Variants in GRWD1 observed in about 807,000 individuals in gnomAD.
GRWD1 encodes the protein glutamate rich WD repeat containing 1, also known as glutamate-rich WD repeat-containing protein 1.
In GRWD1, 29 loss-of-function variants were observed where a neutral mutation model predicts 45.3. That is an observed-to-expected ratio of 0.64 (90% CI 0.48 to 0.87). GRWD1 has a LOEUF of 0.87. Ranked by LOEUF, GRWD1 falls within the 40% of genes least tolerant of loss-of-function variation. The pLI is 0.00. For synonymous variants in GRWD1, 262 were observed against 257.6 expected, an observed-to-expected ratio of 1.02 and a Z score of -0.16; for missense variants, 592 against 618.8, an observed-to-expected ratio of 0.96 and a Z score of 0.46.
rs1459979939 is a variant in GRWD1, at chr19:48,445,985, C to T, written c.-21C>T. ...CGGAAGTGACGCTCTTACCGGGTGT[C>T]AGCAGCGAGAGGGTTCGAAGATGGC... On this transcript the variant is annotated 5_prime_UTR_variant, in exon 1 of 7. Transcript: ENST00000253237. The T allele has an allele frequency of 6.4e-6, 10 of 1,564,298 alleles. No individual in the cohort carries two copies. In the African/African-American group the frequency reaches 1.4e-4, roughly 21 times the overall value.
rs1971526024 is a variant in GRWD1, at chr19:48,455,322, C to T, written c.*2297C>T. The T allele has an allele frequency of 1.3e-5, 2 of 152,140 alleles. No individual in the cohort carries two copies. Among genetic ancestry groups the T allele is most frequent in the South Asian group, 2.1e-4 (1 of 4,828 alleles). 9.4% of individuals were successfully genotyped at this position (152,140 alleles called of 1,614,324 possible). ...TTCCAACCTGCTGTCCAGCCCCCACCAGTAGGTGGGGAGTGGTGGGGAACA... is the reference window on the plus strand; with the variant it reads ...TTCCAACCTGCTGTCCAGCCCCCACTAGTAGGTGGGGAGTGGTGGGGAACA... On this transcript the variant is annotated 3_prime_UTR_variant, in exon 7 of 7. Transcript: ENST00000253237.
In GRWD1 at chr19:48,455,558, G is replaced by A. The variant is rs1056852893; in HGVS notation, c.*2533G>A. 1 of 152,244 alleles carries A rather than the reference G, an allele frequency of 6.6e-6. No homozygotes were observed. The highest frequency in any genetic ancestry group is 1.5e-5 in the Non-Finnish European group (1 of 68,074). 9.4% of individuals were successfully genotyped at this position (152,244 alleles called of 1,614,324 possible). ...CCCGCCCTGCTTTTGCTAGGGGAGG[G>A]GGGTGCCCTGAGCCTGAGTCGCAGC... is the stretch of plus-strand genomic sequence containing the variant. On this transcript the variant is annotated 3_prime_UTR_variant, in exon 7 of 7. Transcript: ENST00000253237.
chr19:48,446,217 G>A (rs1971400065), intron 1 of GRWD1, 25 bp downstream of exon 1: 1 of 1,586,718 alleles, frequency 6.3e-7, no homozygotes, highest in Non-Finnish European at 8.6e-7. Flanking sequence ...GGACTCCAGG[G>A]TCCTGAGGTG....
rs770196403 is a variant in GRWD1, at chr19:48,450,294, C to T, written c.469-19C>T. On this transcript the variant is annotated intron_variant, in intron 3 of 6. Coordinates refer to ENST00000253237, the MANE Select transcript of GRWD1 (RefSeq NM_031485.4). The surrounding 1 kb of genome is among the most constrained non-coding windows in gnomAD (Gnocchi z 5.1). Reference sequence around the variant, plus strand: ...CTCCCCTCGCTTCACATCACCCTTCCCCCACCGCTCTTCTGCAGGTGTCAT... The same window carrying T: ...CTCCCCTCGCTTCACATCACCCTTCTCCCACCGCTCTTCTGCAGGTGTCAT... 6 of 1,595,660 alleles carry T rather than the reference C, an allele frequency of 3.8e-6. No homozygotes were observed. The highest frequency in any genetic ancestry group is 1.7e-5 in the Admixed American group (1 of 57,710).
rs753412318 is a variant in GRWD1, at chr19:48,446,798, G to A, written c.423G>A (p.Leu141=). The change falls in exon 3 of 7, where the codon CTG becomes CTA. Residue 141 remains leucine, a synonymous_variant. Coordinates refer to ENST00000253237, the MANE Select transcript of GRWD1 (RefSeq NM_031485.4). ...EEDEEERKPQ[L]ELAMVPHYGG... ...ATGAAGAAGAGCGGAAACCTCAGCT[G>A]GAGCTGGCCATGGTGCCCCACTATG... The A allele has an allele frequency of 2.6e-5, 42 of 1,613,962 alleles. No individual in the cohort carries two copies. The Admixed American group carries it at 6.3e-4, about 24-fold the overall frequency.
rs144932185 is a variant in GRWD1, at chr19:48,446,061, C to G, written c.56C>G (p.Ala19Gly). The change falls in exon 1 of 7, where the codon GCC becomes GGC. Residue 19 changes from alanine (A) to glycine (G), a missense_variant. Ala to Gly is a moderately conservative substitution (Grantham distance 60). Coordinates refer to ENST00000253237, the MANE Select transcript of GRWD1 (RefSeq NM_031485.4). The stretch of plus-strand genomic sequence containing the variant: ...TGTGAAACCGGGGAACCCATGGAAG[C>G]CGAGTCCGGCGACACAAGTTCCGAG... ...RTCETGEPMEAESGDTSSEGP... is the reference protein window; with the variant it reads ...RTCETGEPMEGESGDTSSEGP... 3.8e-6 allele frequency: 6 copies of G among 1,597,116 alleles called. No individual in the cohort carries two copies. In the African/African-American group the frequency reaches 8.0e-5, roughly 21 times the overall value.
Position 48,450,307 on chromosome 19 carries a change from C to A in GRWD1, c.469-6C>A, listed in dbSNP as rs1488843476. The stretch of plus-strand genomic sequence containing the variant: ...ACATCACCCTTCCCCCACCGCTCTT[C>A]TGCAGGTGTCATGGCTGGGTGAAGA... On this transcript the variant is annotated splice_polypyrimidine_tract_variant and splice_region_variant and intron_variant, in intron 3 of 6. Transcript: ENST00000253237. The surrounding 1 kb of genome is among the most constrained non-coding windows in gnomAD (Gnocchi z 5.1). 1 of 1,608,614 alleles carries A rather than the reference C, an allele frequency of 6.2e-7. No homozygotes were observed. Among genetic ancestry groups the A allele is most frequent in the African/African-American group, 1.3e-5 (1 of 74,842 alleles).
Position 48,452,593 on chromosome 19 carries a change from G to C in GRWD1, c.1024-115G>C. ...GACTCTGGGCTTGTGAGGGCTTAAG[G>C]GGTGGGGCCCTGGCTGAACCCTGAG... On this transcript the variant is annotated intron_variant, in intron 6 of 6. Transcript: ENST00000253237. The surrounding 1 kb of genome is among the most constrained non-coding windows in gnomAD (Gnocchi z 5.1). The C allele has an allele frequency of 1.2e-6, 1 of 868,540 alleles. No homozygotes were observed. Among genetic ancestry groups the C allele is most frequent in the Admixed American group, 2.4e-5 (1 of 41,668 alleles). 53.8% of individuals were successfully genotyped at this position (868,540 alleles called of 1,614,324 possible).
In GRWD1 at chr19:48,450,465, C is replaced by A; in HGVS notation, c.621C>A (p.Ile207=). The A allele has an allele frequency of 6.2e-7, 1 of 1,614,200 alleles. No individual in the cohort carries two copies. ...ATGAGCAGGCCCAAATGAAGCCCAT[C>A]TTCTCCTTCGCTGGACACATGGGCG... ...LRDEQAQMKP[I]FSFAGHMGEG... The change falls in exon 4 of 7, where the codon ATC becomes ATA. Residue 207 remains isoleucine, a synonymous_variant. Coordinates refer to ENST00000253237, the MANE Select transcript of GRWD1 (RefSeq NM_031485.4). The surrounding 1 kb of genome is among the most constrained non-coding windows in gnomAD (Gnocchi z 5.1).
chr19:48,446,651 G>C, intron 2 of GRWD1, 30 bp from the exon 3 acceptor site: 2 of 1,562,000 alleles, frequency 1.3e-6, no homozygotes, highest in Non-Finnish European at 1.7e-6. Flanking sequence ...CTGGAATCTA[G>C]TGCCTAACTC....
rs1569078809 is a variant in GRWD1, at chr19:48,450,367, G to A, written c.523G>A (p.Val175Met). Reference sequence around the variant, plus strand: ...TGGGGTGTGGTCAGAGAAGGGCCAGGTGGAGGTGTTTGCGCTGCGGCGGCT... The same window carrying A: ...TGGGGTGTGGTCAGAGAAGGGCCAGATGGAGGTGTTTGCGCTGCGGCGGCT... ...VAGVWSEKGQ[V>M]EVFALRRLLQ... Residue 175 changes from valine to methionine, a missense_variant, in exon 4 of 7, where the codon GTG (valine) becomes ATG (methionine). Val to Met is a conservative substitution (Grantham distance 21). Transcript: ENST00000253237. The surrounding 1 kb of genome is among the most constrained non-coding windows in gnomAD (Gnocchi z 5.1). 1 of 1,613,488 alleles carries A rather than the reference G, an allele frequency of 6.2e-7. No homozygotes were observed. The highest frequency in any genetic ancestry group is 8.5e-7 in the Non-Finnish European group (1 of 1,179,908).
In GRWD1 at chr19:48,452,824, G is replaced by A; in HGVS notation, c.1140G>A (p.Gln380=). 6.2e-7 allele frequency: 1 copy of A among 1,613,738 alleles called. No homozygotes were observed. Among genetic ancestry groups the A allele is most frequent in the South Asian group, 1.1e-5 (1 of 91,060 alleles). ...AASGADHQIT[Q]WDLAVERDPE... ...CGGGTGCAGACCACCAGATCACACA[G>A]TGGGACCTGGCAGTGGAGCGGGACC... is the stretch of plus-strand genomic sequence containing the variant. Residue 380 remains glutamine, a synonymous_variant, in exon 7 of 7, where the codon CAG becomes CAA. Transcript: ENST00000253237. This position sits in a 1 kb window ranked among gnomAD's most constrained non-coding sequence, Gnocchi z 5.1.
At position 48,446,807 on chromosome 19, in the gene GRWD1, C is replaced by T. The variant is rs756655725; in HGVS notation, c.432C>T (p.Ala144=). 27 of 1,613,968 alleles carry T rather than the reference C, an allele frequency of 1.7e-5. No homozygotes were observed. The highest frequency in any genetic ancestry group is 2.3e-5 in the Non-Finnish European group (27 of 1,179,996). Residue 144 remains alanine, a synonymous_variant, in exon 3 of 7, where the codon GCC becomes GCT. Transcript: ENST00000253237. ...EEERKPQLEL[A]MVPHYGGINR... ...AGCGGAAACCTCAGCTGGAGCTGGC[C>T]ATGGTGCCCCACTATGGTGGCATCA...
rs530512885 is a variant in GRWD1, at chr19:48,454,330, C to G, written c.*1305C>G. 1 of 152,458 alleles carries G rather than the reference C, an allele frequency of 6.6e-6. No individual in the cohort carries two copies. Among genetic ancestry groups the G allele is most frequent in the South Asian group, 2.1e-4 (1 of 4,848 alleles). 9.4% of individuals were successfully genotyped at this position (152,458 alleles called of 1,614,324 possible). A position where few individuals can be genotyped will look rare whatever the true frequency, so the allele number is the denominator to read the frequency against. On this transcript the variant is annotated 3_prime_UTR_variant, in exon 7 of 7. Transcript: ENST00000253237. ...TCGCTCCTCCGCCGCTGTCTCCTGTCCAGCCTGCCTGGGCTGTGGCCCAGC... is the reference window on the plus strand; with the variant it reads ...TCGCTCCTCCGCCGCTGTCTCCTGTGCAGCCTGCCTGGGCTGTGGCCCAGC...
In GRWD1 at chr19:48,450,442, G is replaced by A. The variant is rs1971458059; in HGVS notation, c.598G>A (p.Glu200Lys). 1.9e-6 allele frequency: 3 copies of A among 1,614,148 alleles called. No homozygotes were observed. The highest frequency in any genetic ancestry group is 1.7e-6 in the Non-Finnish European group (2 of 1,180,028). ...PQALAAFLRDEQAQMKPIFSF... is the reference protein window; with the variant it reads ...PQALAAFLRDKQAQMKPIFSF... ...GGCCCTGGCAGCCTTCCTCCGGGAT[G>A]AGCAGGCCCAAATGAAGCCCATCTT... The change falls in exon 4 of 7, where the codon GAG (glutamate) becomes AAG (lysine). Residue 200 changes from glutamate (E) to lysine (K), a missense_variant. By Grantham distance (56) the Glu-to-Lys change is moderately conservative (BLOSUM62 1). Coordinates refer to ENST00000253237, the MANE Select transcript of GRWD1 (RefSeq NM_031485.4). The surrounding 1 kb of genome is among the most constrained non-coding windows in gnomAD (Gnocchi z 5.1).
At position 48,452,770 on chromosome 19, in the gene GRWD1, C is replaced by CCG; in HGVS notation, c.1087_1088insGC (p.Pro363ArgfsTer56). 6.2e-7 allele frequency: 1 copy of CCG among 1,606,398 alleles called. No individual in the cohort carries two copies. The highest frequency in any genetic ancestry group is 2.2e-5 in the East Asian group (1 of 44,596). On this transcript the variant is annotated frameshift_variant, in exon 7 of 7. Transcript: ENST00000253237. LOFTEE classifies it high-confidence loss of function. This position sits in a 1 kb window ranked among gnomAD's most constrained non-coding sequence, Gnocchi z 5.1. ...CCCCCGTGACCTCCGTCGAGTGGCA[C>CCG]CCCCAGGACAGCGGGGTCTTTGCAG...
rs1971530798 is a variant in GRWD1 at position 48,455,685 on chromosome 19, G to C, written c.*2660G>C. ...CGGGTCTGCCTCACGGGGCTGAGGT[G>C]GGACTGGAGGATTTCGAGGGCAGAA... On this transcript the variant is annotated 3_prime_UTR_variant, in exon 7 of 7. Coordinates refer to ENST00000253237, the MANE Select transcript of GRWD1 (RefSeq NM_031485.4). The C allele has an allele frequency of 6.6e-6, 1 of 152,274 alleles. No homozygotes were observed. The highest frequency in any genetic ancestry group is 1.9e-4 in the East Asian group (1 of 5,184). The allele number at this position is 152,274 out of a possible 1,614,324, so 9.4% of individuals were successfully genotyped here.
chr19:48,447,077 T>C (rs1351795791), intron 3 of GRWD1, among the ~76,000 whole-genome samples: 1 of 145,446 alleles, frequency 6.9e-6, no homozygotes, highest in Non-Finnish European at 1.5e-5. Flanking sequence ...GCCCATTTTT[T>C]TTTTTTTTTT....
Position 48,452,648 on chromosome 19 carries a change from G to C in GRWD1, c.1024-60G>C. The C allele has an allele frequency of 1.4e-6, 2 of 1,413,764 alleles. No homozygotes were observed. The highest frequency in any genetic ancestry group is 1.9e-6 in the Non-Finnish European group (2 of 1,035,114). 87.6% of individuals were successfully genotyped at this position (1,413,764 alleles called of 1,614,324 possible). A position where few individuals can be genotyped will look rare whatever the true frequency, so the allele number is the denominator to read the frequency against. Reference sequence around the variant, plus strand: ...GAGAAGGGTTGGGGCTTCTGCCTGGGTCCTCCCCAGAGTCAGGCTGAGGCA... The same window carrying C: ...GAGAAGGGTTGGGGCTTCTGCCTGGCTCCTCCCCAGAGTCAGGCTGAGGCA... On this transcript the variant is annotated intron_variant, in intron 6 of 6. Coordinates refer to ENST00000253237, the MANE Select transcript of GRWD1 (RefSeq NM_031485.4). The surrounding 1 kb of genome is among the most constrained non-coding windows in gnomAD (Gnocchi z 5.1).
Sources: gnomAD v4.1 joint callset for allele counts (sites outside exome capture counted in the v4.1 genomes callset) on GRCh38, gnomAD v4.1.1 for gene constraint, Gnocchi (gnomAD v3.1) non-coding constraint, MANE v1.5 for transcripts, NCBI Gene and HGNC (gene_info 2026-07-23, HGNC 2026-07-21) for gene names.